SLC60A1: variants seen among roughly 807,000 people sequenced by gnomAD.
The protein encoded by SLC60A1 is solute carrier family 60 member 1, also known as major facilitator superfamily domain containing 4.
the SLC60A1 span, chr1:205,569,380 C>G: frequency 9.6e-7 from 1 of 1,043,748 alleles, no homozygotes; most frequent in Non-Finnish European, 1.2e-6. Flanking sequence ...TCCCGCCCCG[C>G]GACCCGGCCT....
chr1:205,592,368 C>A, the SLC60A1 span: 1 of 405,216 alleles, frequency 2.5e-6, no homozygotes, highest in Non-Finnish European at 3.1e-6. Flanking sequence ...TCTCTGTGCT[C>A]TTTTTTTTTT....
chr1:205,584,952 C>T, the SLC60A1 span: 1 of 1,614,072 alleles, frequency 6.2e-7, no homozygotes, highest in Non-Finnish European at 8.5e-7. Flanking sequence ...CCATCCACAT[C>T]ACGGGCGCCC....
the SLC60A1 span, among the ~76,000 whole-genome samples, chr1:205,575,320 C>G: frequency 6.6e-6 from 1 of 152,136 alleles, no homozygotes; most frequent in African/African-American, 2.4e-5. Context: ...GGAAGATGTC[C>G]TAAGCATCCC....
the SLC60A1 span, among the ~76,000 whole-genome samples, chr1:205,591,152 A>G: frequency 6.6e-5 from 10 of 152,316 alleles, no homozygotes; most frequent in South Asian, 2.1e-3. Context: ...GGTTATATTA[A>G]CAAAAACATG....
the SLC60A1 span, chr1:205,601,169 A>G: frequency 6.6e-6 from 1 of 152,260 alleles, no homozygotes; most frequent in Admixed American, 6.5e-5. Flanking sequence ...AATCAATTAC[A>G]TTTAAAACAA....
chr1:205,572,551 C>T, the SLC60A1 span, among the ~76,000 whole-genome samples: 45 of 152,292 alleles, frequency 3.0e-4, no homozygotes, highest in Non-Finnish European at 5.4e-4. Context: ...CTGGCCATTG[C>T]ACCAAACCCT....
At chr1:205,581,013 T>C in the SLC60A1 span, 10 of 1,475,264 alleles carry the variant, frequency 6.8e-6, no homozygotes, top group Admixed American at 2.0e-4. This position sits in a 1 kb window ranked among gnomAD's most constrained non-coding sequence, Gnocchi z 4.2. Context: ...CTTCAGATGC[T>C]GAGAAACGTG....
the SLC60A1 span, chr1:205,599,176 A>G: frequency 6.2e-7 from 1 of 1,614,062 alleles, no homozygotes. Context: ...CTGTGGCGTG[A>G]TCTTTGGTTG....
At chr1:205,579,780 C>T in the SLC60A1 span, 2 of 1,614,062 alleles carry the variant, frequency 1.2e-6, no homozygotes, top group Non-Finnish European at 1.7e-6. Flanking sequence ...GCCCTGTTCA[C>T]CTCCTCTCTG....
the SLC60A1 span, chr1:205,597,780 G>A: frequency 6.2e-7 from 1 of 1,613,804 alleles, no homozygotes; most frequent in Non-Finnish European, 8.5e-7. Context: ...TTTTTGTTAG[G>A]CTGTGCAACC....
At chr1:205,576,073 C>T in the SLC60A1 span, among the ~76,000 whole-genome samples, 8 of 152,170 alleles carry the variant, frequency 5.3e-5, no homozygotes, top group African/African-American at 1.2e-4. Context: ...TTAGCTGGGA[C>T]GCTGCCCAGG....
the SLC60A1 span, among the ~76,000 whole-genome samples, chr1:205,570,428 G>GGCCCA: frequency 4.1e-5 from 6 of 148,070 alleles, no homozygotes; most frequent in South Asian, 6.2e-4. Context: ...TGGAGGGGCC[G>GGCCCA]TTCTGGGCTG....
chr1:205,580,623 A>ACCCCCCCCCCCCC, the SLC60A1 span: 24 of 1,570,406 alleles, frequency 1.5e-5, no homozygotes, highest in South Asian at 4.5e-5. This position sits in a 1 kb window ranked among gnomAD's most constrained non-coding sequence, Gnocchi z 5.0. Flanking sequence ...CTGAAGACTG[A>ACCCCCCCCCCCCC]CCCCCACCCC....
At chr1:205,572,199 T>C in the SLC60A1 span, among the ~76,000 whole-genome samples, 1 of 152,160 alleles carries the variant, frequency 6.6e-6, no homozygotes, top group Non-Finnish European at 1.5e-5. Flanking sequence ...TGTAGGTGTG[T>C]GCTTTGTCAG....
chr1:205,579,893 G>A, the SLC60A1 span: 20 of 1,614,056 alleles, frequency 1.2e-5, no homozygotes, highest in East Asian at 2.2e-5. Context: ...CATCGACACC[G>A]TGGCCAACAT....
the SLC60A1 span, chr1:205,592,280 G>A: frequency 6.2e-7 from 1 of 1,613,284 alleles, no homozygotes; most frequent in South Asian, 1.1e-5. Flanking sequence ...ACTCGCTGCA[G>A]TACAAAGGTG....
the SLC60A1 span, among the ~76,000 whole-genome samples, chr1:205,597,386 T>G: frequency 1.0e-3 from 149 of 145,960 alleles, 1 homozygote; most frequent in Middle Eastern, 3.4e-3. Flanking sequence ...TTTTTTTTTT[T>G]TTTTTTTTTT....
the SLC60A1 span, among the ~76,000 whole-genome samples, chr1:205,574,508 C>A: frequency 6.6e-6 from 1 of 152,108 alleles, no homozygotes; most frequent in African/African-American, 2.4e-5. Context: ...ACAAATACCT[C>A]TTGAGCCGGA....
At chr1:205,569,392 T>C in the SLC60A1 span, 4 of 857,374 alleles carry the variant, frequency 4.7e-6, no homozygotes, top group Non-Finnish European at 2.9e-6. Flanking sequence ...ACCCGGCCTC[T>C]CCCCCGGCCC....
Sources: allele counts gnomAD v4.1 joint callset (sites outside exome capture counted in the v4.1 genomes callset), GRCh38; gene constraint gnomAD v4.1.1; non-coding constraint Gnocchi (gnomAD v3.1); transcripts MANE v1.5; gene names NCBI Gene and HGNC (gene_info 2026-07-23, HGNC 2026-07-21).